Variants in IFT52 observed in about 807,000 individuals in gnomAD.
IFT52 encodes the protein intraflagellar transport 52.
A neutral mutation model predicts 54.4 loss-of-function variants in IFT52; 44 were observed. That is an observed-to-expected ratio of 0.81 (90% confidence interval 0.63 to 1.04). The LOEUF (loss-of-function observed/expected upper bound fraction) is 1.04, where lower values mean the gene tolerates loss of function less well. IFT52 is among the 50% of genes least tolerant of loss of function. IFT52 has a pLI of 0.00. For synonymous variants in IFT52, 181 were observed against 185.3 expected (o/e 0.98, Z 0.19); for missense variants, 452 against 523.6 (o/e 0.86, Z 1.33).
At chr20:43,602,683 A>G (rs1982555915) in intron 3 of IFT52, among the ~76,000 whole-genome samples, 1 of 149,016 alleles carries the variant, frequency 6.7e-6, no homozygotes, top group African/African-American at 2.5e-5. Flanking sequence ...TAATTTTTGC[A>G]TTTTTAGTAG....
At chr20:43,615,244 G>A (rs1423613334) in intron 7 of IFT52, among the ~76,000 whole-genome samples, 1 of 151,558 alleles carries the variant, frequency 6.6e-6, no homozygotes. Context: ...GATTTACCAT[G>A]TTGCCCAGGC....
chr20:43,609,847 G>T (rs1215698680), intron 6 of IFT52, among the ~76,000 whole-genome samples: 1 of 151,014 alleles, frequency 6.6e-6, no homozygotes, highest in Non-Finnish European at 1.5e-5. Flanking sequence ...TACTCGGGAG[G>T]CTGAGGCAGG....
At chr20:43,592,129 T>A (rs149357122) in intron 1 of IFT52, among the ~76,000 whole-genome samples, 1,660 of 151,920 alleles carry the variant, frequency 0.011, 22 homozygotes, top group African/African-American at 0.03. Flanking sequence ...CCAAAGCGGG[T>A]GGATCACTTG....
In IFT52 at chr20:43,594,719, C is replaced by T. The variant is rs749767548; in HGVS notation, c.21C>T (p.Ser7=). The change falls in exon 2 of 14, where the codon AGC becomes AGT. Residue 7 remains serine, a synonymous_variant. Transcript: ENST00000373030. The stretch of plus-strand genomic sequence containing the variant: ...TAACCATGGAGAAAGAGCTGCGGAG[C>T]ACCATTCTTTTCAATGCCTACAAAA... MEKELR[S]TILFNAYKKE... is the part of the protein sequence containing the mutation. The T allele has an allele frequency of 1.2e-6, 2 of 1,606,066 alleles. No individual in the cohort carries two copies. The highest frequency in any genetic ancestry group is 2.2e-5 in the South Asian group (2 of 90,894).
At chr20:43,617,592 C>T (rs1285581591) in intron 7 of IFT52, among the ~76,000 whole-genome samples, 1 of 152,076 alleles carries the variant, frequency 6.6e-6, no homozygotes. Flanking sequence ...TACAGGCATG[C>T]ACCACCATGC....
chr20:43,606,375 G>A (rs1340361325), intron 6 of IFT52, among the ~76,000 whole-genome samples: 1 of 149,046 alleles, frequency 6.7e-6, no homozygotes, highest in Non-Finnish European at 1.5e-5. Flanking sequence ...CCAGGTTCAA[G>A]TGGTTCTCCT....
intron 3 of IFT52, among the ~76,000 whole-genome samples, chr20:43,602,665 C>A (rs764332603): frequency 6.6e-6 from 1 of 151,752 alleles, no homozygotes; most frequent in Non-Finnish European, 1.5e-5. Context: ...CATACCACCA[C>A]GCCTGGCTAA....
At chr20:43,613,114 T>C (rs1382518470) in intron 6 of IFT52, among the ~76,000 whole-genome samples, 3 of 152,192 alleles carry the variant, frequency 2.0e-5, no homozygotes, top group Admixed American at 1.3e-4. Context: ...AGCAGATCTG[T>C]GTAGAAGTGT....
intron 7 of IFT52, among the ~76,000 whole-genome samples, chr20:43,615,863 AC>A (rs1212872921): frequency 2.6e-5 from 4 of 151,944 alleles, no homozygotes; most frequent in African/African-American, 9.7e-5. Context: ...AATCGCTTGA[AC>A]CCAGGAGGTT....
chr20:43,634,253 C>G (rs1985375130), intron 10 of IFT52, among the ~76,000 whole-genome samples: 1 of 151,308 alleles, frequency 6.6e-6, no homozygotes, highest in Non-Finnish European at 1.5e-5. Flanking sequence ...AGATAAAGCA[C>G]ATAATACTTT....
At chr20:43,615,691 C>T (rs1354711210) in intron 7 of IFT52, among the ~76,000 whole-genome samples, 1 of 152,188 alleles carries the variant, frequency 6.6e-6, no homozygotes, top group Non-Finnish European at 1.5e-5. Flanking sequence ...GTAATCCCAG[C>T]ACTTTGGGAG....
chr20:43,605,683 T>A (rs527551467), intron 6 of IFT52, among the ~76,000 whole-genome samples: 38 of 152,344 alleles, frequency 2.5e-4, no homozygotes, highest in Admixed American at 4.6e-4. Flanking sequence ...CTCCCTATTA[T>A]TGGACATTTA....
intron 12 of IFT52, among the ~76,000 whole-genome samples, chr20:43,641,788 T>C (rs1239111075): frequency 1.3e-5 from 2 of 151,262 alleles, no homozygotes; most frequent in Non-Finnish European, 2.9e-5. Context: ...GCCTTCACGC[T>C]CGGCTGTTTT....
intron 6 of IFT52, 109 bp from the exon 7 acceptor site, chr20:43,613,741 A>G (rs1983634197): frequency 9.3e-7 from 1 of 1,077,182 alleles, no homozygotes; most frequent in Non-Finnish European, 1.4e-6. Flanking sequence ...TGGGTGACTG[A>G]GTGAGACTGT....
chr20:43,596,787 G>A (rs1981999049), intron 3 of IFT52, among the ~76,000 whole-genome samples: 1 of 141,878 alleles, frequency 7.0e-6, no homozygotes, highest in Admixed American at 7.5e-5. Context: ...TGTCGCCGAG[G>A]CTGGAGTGCA....
At chr20:43,619,157 A>G (rs1425412682) in intron 8 of IFT52, 131 bp downstream of exon 8, 3 of 658,262 alleles carry the variant, frequency 4.6e-6, no homozygotes, top group Non-Finnish European at 7.8e-6. Flanking sequence ...GGCACTGAGA[A>G]TACAAAGTCG....
intron 10 of IFT52, among the ~76,000 whole-genome samples, chr20:43,635,277 G>C (rs2145666430): frequency 6.6e-6 from 1 of 151,908 alleles, no homozygotes; most frequent in South Asian, 2.1e-4. Context: ...CCAAGTCCTT[G>C]GCAAAGGACA....
At chr20:43,604,026 C>T in intron 4 of IFT52, 137 bp downstream of exon 4, 1 of 901,776 alleles carries the variant, frequency 1.1e-6, no homozygotes, top group South Asian at 1.5e-5. Context: ...TTCTCATCAG[C>T]AGTCTGAGCC....
intron 9 of IFT52, 141 bp downstream of exon 9, chr20:43,621,066 T>G (rs1391002409): frequency 4.8e-6 from 3 of 625,932 alleles, no homozygotes; most frequent in Non-Finnish European, 8.6e-6. Flanking sequence ...TTGGGGGAGA[T>G]GAAGGCCATA....
Sources: gnomAD v4.1 joint callset for allele counts (sites outside exome capture counted in the v4.1 genomes callset) on GRCh38, gnomAD v4.1.1 for gene constraint, MANE v1.5 for transcripts, NCBI Gene and HGNC (gene_info 2026-07-23, HGNC 2026-07-21) for gene names.